CD44: variants seen among roughly 807,000 people sequenced by gnomAD.
CD44 encodes CD44 antigen.
In CD44, 49 loss-of-function variants were observed where a neutral mutation model predicts 88.8. That is an observed-to-expected ratio of 0.55 (90% CI 0.44 to 0.70). The LOEUF (loss-of-function observed/expected upper bound fraction) is 0.70. CD44 is among the 30% of genes least tolerant of loss of function. The pLI is 0.00. For synonymous variants in CD44, 325 were observed against 312.3 expected (o/e 1.04, Z -0.43); for missense variants, 883 against 913.8 (o/e 0.97, Z 0.43).
rs183197687 is a variant in CD44 at position 35,189,379 on chromosome 11, C to T, written c.437-456C>T. ...GGCTATTAGTCTGCTACTTCAAATC[C>T]TTTTCGGAGGAATATATGGAATTAA... On this transcript the variant is annotated intron_variant, in intron 4 of 17. Coordinates refer to ENST00000428726, the MANE Select transcript of CD44 (RefSeq NM_000610.4). Among the ~76,000 whole-genome samples, 9 of 152,302 alleles carry T rather than the reference C, an allele frequency of 5.9e-5. No individual in the cohort carries two copies. In the East Asian group the frequency reaches 1.7e-3, roughly 29 times the overall value.
intron 8 of CD44, 122 bp from the exon 9 acceptor site, chr11:35,201,549 G>A (rs1172357319): frequency 8.2e-7 from 1 of 1,215,798 alleles, no homozygotes; most frequent in Non-Finnish European, 1.1e-6. Flanking sequence ...TTTTGAGAGT[G>A]GATGCTCAGA....
chr11:35,157,457 C>T (rs1942053242), intron 1 of CD44, among the ~76,000 whole-genome samples: 1 of 151,990 alleles, frequency 6.6e-6, no homozygotes, highest in Non-Finnish European at 1.5e-5. Flanking sequence ...CTATTTATAT[C>T]TATCATCTAT....
At chr11:35,199,652 G>C (rs896184248) in intron 7 of CD44, among the ~76,000 whole-genome samples, 4 of 151,914 alleles carry the variant, frequency 2.6e-5, no homozygotes, top group African/African-American at 9.7e-5. Flanking sequence ...ACTTTTAAGT[G>C]ATTTTTTTTT....
Position 35,198,161 on chromosome 11 carries a change from T to G in CD44, c.837T>G (p.Asn279Lys). 1.2e-6 allele frequency: 2 copies of G among 1,613,958 alleles called. No homozygotes were observed. Residue 279 changes from asparagine to lysine, a missense_variant, in exon 7 of 18, where the codon AAT (asparagine) becomes AAG (lysine). Asn to Lys is a moderately conservative substitution (Grantham distance 94, BLOSUM62 0). This residue lies in a region of CD44 where 631 missense variants were observed against 590.9 expected (regional missense o/e 1.07). Coordinates refer to ENST00000428726, the MANE Select transcript of CD44 (RefSeq NM_000610.4). ...CCATCTCAGCAGGCTGGGAGCCAAA[T>G]GAAGAAAATGAAGATGAAAGAGACA... Reference protein sequence around the residue: ...SNTISAGWEPNEENEDERDRH... With the variant: ...SNTISAGWEPKEENEDERDRH...
intron 1 of CD44, among the ~76,000 whole-genome samples, chr11:35,164,657 C>G (rs760733881): frequency 6.6e-6 from 1 of 152,188 alleles, no homozygotes; most frequent in Non-Finnish European, 1.5e-5. Flanking sequence ...CCAGCCCAGT[C>G]TCCTTAGAGT....
At chr11:35,142,401 C>T (rs1381563085) in intron 1 of CD44, among the ~76,000 whole-genome samples, 4 of 151,876 alleles carry the variant, frequency 2.6e-5, no homozygotes, top group Non-Finnish European at 5.9e-5. Flanking sequence ...TGGAACCAAC[C>T]CAAATGTCCA....
At chr11:35,211,685 TG>T (rs1948406350) in intron 14 of CD44, among the ~76,000 whole-genome samples, 1 of 151,712 alleles carries the variant, frequency 6.6e-6, no homozygotes, top group African/African-American at 2.4e-5. Flanking sequence ...TGTGTGTGTG[TG>T]TGTGTGTGTG....
intron 12 of CD44, 46 bp from the exon 13 acceptor site, chr11:35,209,919 T>TA (rs1340000003): frequency 2.1e-5 from 27 of 1,261,556 alleles, no homozygotes; most frequent in Non-Finnish European, 2.6e-5. Context: ...ACAGGATTTG[T>TA]ACCGTAGCTT....
chr11:35,173,839 C>T (rs946672082), intron 1 of CD44, among the ~76,000 whole-genome samples: 3 of 152,128 alleles, frequency 2.0e-5, no homozygotes, highest in African/African-American at 2.4e-5. Context: ...TGCCTCTCTC[C>T]TTTCTTCAGT....
intron 11 of CD44, among the ~76,000 whole-genome samples, chr11:35,206,581 G>A (rs561912306): frequency 1.0e-4 from 15 of 149,506 alleles, no homozygotes; most frequent in Admixed American, 6.8e-5. Context: ...GCCCACCACA[G>A]CATCACAGAA....
chr11:35,141,033 G>T lies in CD44; in HGVS notation c.67+1663G>T, dbSNP rs538853043. ...GTGACTCTGTTAAAAAAAAAAAAAT[G>T]AATACAGTGCTAGCTACCATTTACT... On this transcript the variant is annotated intron_variant, in intron 1 of 17. Transcript: ENST00000428726. 4.7e-5 allele frequency among the ~76,000 whole-genome samples: 7 copies of T among 150,244 alleles called. No homozygotes were observed. In the South Asian group the frequency reaches 1.3e-3, roughly 28 times the overall value.
chr11:35,190,674 A>C (rs2133897902), intron 5 of CD44, among the ~76,000 whole-genome samples: 1 of 152,356 alleles, frequency 6.6e-6, no homozygotes, highest in East Asian at 1.9e-4. Flanking sequence ...TTACATTCAT[A>C]CTATTGATAG....
Position 35,186,856 on chromosome 11 carries a change from C to T in CD44, c.392C>T (p.Ser131Leu), listed in dbSNP as rs200524971. Residue 131 changes from serine to leucine, a missense_variant, in exon 4 of 18, where the codon TCA (serine) becomes TTA (leucine). Physicochemically the swap from Ser to Leu is moderately radical, Grantham distance 145. This residue lies in a region of CD44 where 252 missense variants were observed against 322.9 expected (regional missense o/e 0.78). Transcript: ENST00000428726. Reference protein sequence around the residue: ...ASAPPEEDCTSVTDLPNAFDG... With the variant: ...ASAPPEEDCTLVTDLPNAFDG... ...GCTCCACCTGAAGAAGATTGTACAT[C>T]AGTCACAGACCTGCCCAATGCCTTT... 3.5e-5 allele frequency: 56 copies of T among 1,606,554 alleles called. No homozygotes were observed. Among genetic ancestry groups the T allele is most frequent in the South Asian group, 4.4e-5 (4 of 90,966 alleles).
chr11:35,170,359 G>A (rs372341697), intron 1 of CD44, among the ~76,000 whole-genome samples: 4 of 152,032 alleles, frequency 2.6e-5, no homozygotes, highest in Non-Finnish European at 5.9e-5. Flanking sequence ...CCTTTTTCTC[G>A]CCTTCCTGAC....
chr11:35,178,648 G>T (rs1393233268), intron 2 of CD44, among the ~76,000 whole-genome samples: 1 of 152,126 alleles, frequency 6.6e-6, no homozygotes, highest in African/African-American at 2.4e-5. Context: ...TTTACAGTTA[G>T]CATGACCCAT....
intron 1 of CD44, among the ~76,000 whole-genome samples, chr11:35,165,303 C>T (rs1208061156): frequency 6.6e-6 from 1 of 152,220 alleles, no homozygotes; most frequent in Non-Finnish European, 1.5e-5. Context: ...GTTGAAAAGG[C>T]AGCACCAGAG....
At chr11:35,145,200 A>T (rs1281000912) in intron 1 of CD44, among the ~76,000 whole-genome samples, 1 of 152,252 alleles carries the variant, frequency 6.6e-6, no homozygotes, top group African/African-American at 2.4e-5. Flanking sequence ...GCACTGGGGG[A>T]GTCCCCTGAT....
At chr11:35,194,190 G>C (rs1475419698) in intron 5 of CD44, among the ~76,000 whole-genome samples, 1 of 152,192 alleles carries the variant, frequency 6.6e-6, no homozygotes, top group Non-Finnish European at 1.5e-5. Context: ...GAATTCAGGG[G>C]ATTCAGTTTG....
Position 35,223,282 on chromosome 11 carries a change from C to T in CD44, c.2024+1550C>T, listed in dbSNP as rs1475006240. ...TACCTCCCTTCAGCTTCCTCATTTTCCCTTGGATTACTTTTGCTCAATTAA... is the reference window on the plus strand; with the variant it reads ...TACCTCCCTTCAGCTTCCTCATTTTTCCTTGGATTACTTTTGCTCAATTAA... On this transcript the variant is annotated intron_variant, in intron 17 of 17. Coordinates refer to ENST00000428726, the MANE Select transcript of CD44 (RefSeq NM_000610.4). 8.1e-6 allele frequency: 8 copies of T among 985,160 alleles called. No individual in the cohort carries two copies. In the African/African-American group the frequency reaches 1.4e-4, roughly 17 times the overall value. The allele number at this position is 985,160 out of a possible 1,614,324, so 61.0% of individuals were successfully genotyped here. A position where few individuals can be genotyped will look rare whatever the true frequency, so the allele number is the denominator to read the frequency against.
Sources: gnomAD v4.1 joint callset for allele counts (sites outside exome capture counted in the v4.1 genomes callset) on GRCh38, gnomAD v4.1.1 for gene constraint, gnomAD v4.1.1 regional missense constraint, MANE v1.5 for transcripts, NCBI Gene and HGNC (gene_info 2026-07-23, HGNC 2026-07-21) for gene names.